VWA3B: variants seen among roughly 807,000 people sequenced by gnomAD.
The protein encoded by VWA3B is von Willebrand factor A domain-containing protein 3B.
VWA3B carries 138 observed loss-of-function variants against 158.3 expected under a neutral mutation model. The observed-to-expected ratio is 0.87, with a 90% CI of 0.76 to 1.00. VWA3B has a LOEUF of 1.00. Among genes scored for constraint, VWA3B ranks in the 50% least tolerant of loss-of-function variants. The probability of loss-of-function intolerance (pLI) is 0.00; values close to 1 mark genes in which losing one functional copy is unlikely to be tolerated. For missense variants in VWA3B, 1,555 were observed against 1,565.1 expected (o/e 0.99, Z 0.11); for synonymous variants, 596 against 587.3 (o/e 1.01, Z -0.21).
In VWA3B at chr2:98,214,202, C is replaced by CA. The variant is rs1261537682; in HGVS notation, c.1836+2184dup. On this transcript the variant is annotated intron_variant, in intron 13 of 27. Transcript: ENST00000477737. ...CGAGTCCCTGTCTCTAAGAAAAAAACAAAAAAAAAAGCAAAACACAAAAAA... is the reference window on the plus strand; with the variant it reads ...CGAGTCCCTGTCTCTAAGAAAAAAACAAAAAAAAAAAGCAAAACACAAAAAA... Among the ~76,000 whole-genome samples, 159 of 134,390 alleles carry CA rather than the reference C, an allele frequency of 1.2e-3. 1 individual carries two copies. Among genetic ancestry groups the CA allele is most frequent in the East Asian group, 0.012 (56 of 4,750 alleles). 88.2% of individuals were successfully genotyped at this position (134,390 alleles called of 152,430 possible).
At chr2:98,252,708 T>C (rs745824862) in intron 20 of VWA3B, among the ~76,000 whole-genome samples, 3 of 152,142 alleles carry the variant, frequency 2.0e-5, no homozygotes, top group African/African-American at 7.2e-5. Flanking sequence ...GAAATCGTCA[T>C]CTGGTTCTTC....
At chr2:98,104,254 T>C (rs1179506615) in intron 2 of VWA3B, among the ~76,000 whole-genome samples, 1 of 152,220 alleles carries the variant, frequency 6.6e-6, no homozygotes, top group Non-Finnish European at 1.5e-5. Flanking sequence ...GGGTAATTTA[T>C]AAAGAAAAGA....
intron 7 of VWA3B, among the ~76,000 whole-genome samples, chr2:98,158,528 C>T (rs1678289533): frequency 6.6e-6 from 1 of 152,162 alleles, no homozygotes; most frequent in Non-Finnish European, 1.5e-5. Flanking sequence ...GCTTCTAGTT[C>T]TTTGTGTTCT....
intron 12 of VWA3B, 53 bp from the exon 13 acceptor site, chr2:98,211,877 G>T: frequency 6.8e-7 from 1 of 1,476,746 alleles, no homozygotes; most frequent in South Asian, 1.2e-5. Flanking sequence ...ATACTTGTTT[G>T]TGAATTCTTT....
intron 21 of VWA3B, among the ~76,000 whole-genome samples, chr2:98,263,970 G>A (rs527356441): frequency 1.4e-4 from 21 of 151,642 alleles, no homozygotes; most frequent in South Asian, 1.3e-3. Flanking sequence ...CTTAGTAGGC[G>A]GTATGTTTCT....
chr2:98,237,109 G>C (rs572062771), intron 19 of VWA3B, among the ~76,000 whole-genome samples: 1 of 152,226 alleles, frequency 6.6e-6, no homozygotes, highest in South Asian at 2.1e-4. Context: ...CTGAGACATC[G>C]AGGCTGCAGT....
At chr2:98,268,625 TCATTAA>T (rs2105878994) in intron 21 of VWA3B, among the ~76,000 whole-genome samples, 1 of 152,182 alleles carries the variant, frequency 6.6e-6, no homozygotes, top group South Asian at 2.1e-4. Context: ...TCATTGAGCA[TCATTAA>T]CATTGTTGTT....
chr2:98,093,055 TTACA>T lies in VWA3B; in HGVS notation c.-32-5_-32-2del, dbSNP rs1227731846. On this transcript the variant is annotated splice_acceptor_variant and splice_polypyrimidine_tract_variant and intron_variant, in intron 1 of 27. Coordinates refer to ENST00000477737, the MANE Select transcript of VWA3B (RefSeq NM_144992.5). LOFTEE classifies it low-confidence loss of function (5UTR_SPLICE). ...AGGAAGTCTGAGTTTATGATTGCCC[TTACA>T]GGAGTTTGCTGTGACTTAGATCTTG... 3 of 1,602,188 alleles carry T rather than the reference TTACA, an allele frequency of 1.9e-6. 1 individual carries two copies. In the East Asian group the frequency reaches 6.7e-5, roughly 36 times the overall value.
At chr2:98,215,926 A>C (rs1164815029) in intron 13 of VWA3B, among the ~76,000 whole-genome samples, 1 of 152,166 alleles carries the variant, frequency 6.6e-6, no homozygotes, top group East Asian at 1.9e-4. Context: ...TCAAAAAGGC[A>C]AATTGATATT....
At chr2:98,132,907 T>C (rs1191935157) in intron 6 of VWA3B, among the ~76,000 whole-genome samples, 5 of 152,224 alleles carry the variant, frequency 3.3e-5, no homozygotes, top group Admixed American at 3.3e-4. Context: ...CGCGGTGGGT[T>C]CCCTAGACTT....
intron 23 of VWA3B, among the ~76,000 whole-genome samples, chr2:98,294,203 CAAA>C (rs751689571): frequency 4.5e-3 from 255 of 56,224 alleles, no homozygotes; most frequent in African/African-American, 0.021. Context: ...CACACACACA[CAAA>C]AAAAAAAAAA....
intron 4 of VWA3B, among the ~76,000 whole-genome samples, chr2:98,120,347 A>T (rs903488633): frequency 1.3e-5 from 2 of 152,242 alleles, no homozygotes; most frequent in African/African-American, 4.8e-5. Flanking sequence ...AAACATCTGG[A>T]TAACGGTTGG....
At chr2:98,201,422 G>A (rs569358733) in intron 12 of VWA3B, among the ~76,000 whole-genome samples, 56 of 152,238 alleles carry the variant, frequency 3.7e-4, no homozygotes, top group Non-Finnish European at 7.1e-4. Context: ...ATGATGTCAT[G>A]TATGAATAGA....
chr2:98,088,952 C>G (rs1013854906), intron 1 of VWA3B, among the ~76,000 whole-genome samples: 2 of 152,060 alleles, frequency 1.3e-5, no homozygotes, highest in Non-Finnish European at 2.9e-5. Flanking sequence ...CGAGGTTTCA[C>G]CATGTTGGCC....
chr2:98,245,161 G>A (rs987122884), intron 19 of VWA3B, among the ~76,000 whole-genome samples: 13 of 151,952 alleles, frequency 8.6e-5, no homozygotes, highest in African/African-American at 2.4e-4. Flanking sequence ...AGAGTCCCTC[G>A]TTAGCCAGTT....
rs146579111 is a variant in VWA3B at position 98,200,876 on chromosome 2, T to A, written c.1737+6384T>A. Reference sequence around the variant, plus strand: ...AGGTGTGAGGCAGGATCCAGCACTGTTTGTCTAAGTAACTATTCCTCTCTC... The same window carrying A: ...AGGTGTGAGGCAGGATCCAGCACTGATTGTCTAAGTAACTATTCCTCTCTC... On this transcript the variant is annotated intron_variant, in intron 12 of 27. Coordinates refer to ENST00000477737, the MANE Select transcript of VWA3B (RefSeq NM_144992.5). 1.4e-3 allele frequency among the ~76,000 whole-genome samples: 209 copies of A among 152,358 alleles called. 1 individual carries two copies. The highest frequency in any genetic ancestry group is 4.8e-3 in the African/African-American group (200 of 41,572).
At chr2:98,176,158 G>A (rs1398341574) in intron 8 of VWA3B, among the ~76,000 whole-genome samples, 1 of 152,106 alleles carries the variant, frequency 6.6e-6, no homozygotes, top group African/African-American at 2.4e-5. Context: ...TCACCAGCAG[G>A]CGAGACCACA....
intron 21 of VWA3B, among the ~76,000 whole-genome samples, chr2:98,257,874 C>T (rs1472503069): frequency 1.3e-5 from 2 of 151,796 alleles, no homozygotes. Context: ...GAAGTGAATT[C>T]TTCTTTTTTT....
intron 12 of VWA3B, among the ~76,000 whole-genome samples, chr2:98,208,870 T>C (rs898962250): frequency 3.3e-5 from 5 of 152,216 alleles, no homozygotes; most frequent in African/African-American, 1.2e-4. Context: ...GGCTTTTTTC[T>C]TTTCTCGTTC....
Sources: allele counts gnomAD v4.1 joint callset (sites outside exome capture counted in the v4.1 genomes callset), GRCh38; gene constraint gnomAD v4.1.1; transcripts MANE v1.5; gene names NCBI Gene and HGNC (gene_info 2026-07-23, HGNC 2026-07-21).